Variants in CWC15 observed in about 807,000 individuals in gnomAD.
The protein encoded by CWC15 is spliceosome-associated protein CWC15 homolog.
In CWC15, 12 loss-of-function variants were observed where a neutral mutation model predicts 28.4. The ratio of observed to expected loss-of-function variants is 0.42; its 90% CI spans 0.27 to 0.69. The LOEUF (loss-of-function observed/expected upper bound fraction) is 0.69, where lower values mean the gene tolerates loss of function less well. Ranked by LOEUF, CWC15 falls within the 30% of genes least tolerant of loss-of-function variation. The probability of loss-of-function intolerance (pLI) is 0.23; values close to 1 mark genes in which losing one functional copy is unlikely to be tolerated. For synonymous variants in CWC15, 92 were observed against 88.4 expected (o/e 1.04, Z -0.23); for missense variants, 192 against 271.5 (o/e 0.71, Z 2.06).
At position 94,962,821 on chromosome 11, in the gene CWC15, C is replaced by CA. The variant is rs2134096543; in HGVS notation, c.*563dup. The CA allele has an allele frequency of 1.3e-5, 2 of 152,342 alleles. No individual in the cohort carries two copies. The highest frequency in any genetic ancestry group is 4.1e-4 in the South Asian group (2 of 4,832). The allele number at this position is 152,342 out of a possible 1,614,324, so 9.4% of individuals were successfully genotyped here. A position where few individuals can be genotyped will look rare whatever the true frequency, so the allele number is the denominator to read the frequency against. On this transcript the variant is annotated 3_prime_UTR_variant, in exon 7 of 7. Transcript: ENST00000279839. ...CATGAGAAAAAAAAACAAGTACCTG[C>CA]AGAAGTGAGCGATACCCAATGCTCT...
At chr11:94,964,117 A>G (rs1371342873) in intron 6 of CWC15, among the ~76,000 whole-genome samples, 8 of 152,186 alleles carry the variant, frequency 5.3e-5, no homozygotes, top group Non-Finnish European at 1.0e-4. Flanking sequence ...TCCATAATGT[A>G]TAAGCACGAA....
In CWC15 at chr11:94,972,192, T is replaced by C; in HGVS notation, c.-7A>G. ...GCCTGGCTGCTGTTGTCATCTTTTA[T>C]GCTTTGAAGAAAAATATAATCAAGT... On this transcript the variant is annotated splice_region_variant and 5_prime_UTR_variant, in exon 2 of 7. Transcript: ENST00000279839. 2 of 1,610,112 alleles carry C rather than the reference T, an allele frequency of 1.2e-6. No individual in the cohort carries two copies. Among genetic ancestry groups the C allele is most frequent in the South Asian group, 2.2e-5 (2 of 90,236 alleles).
intron 1 of CWC15, 33 bp downstream of exon 1, chr11:94,973,465 A>T (rs587763829): frequency 1.3e-5 from 2 of 152,722 alleles, no homozygotes; most frequent in African/African-American, 2.4e-5. Flanking sequence ...CATCGCGATA[A>T]GAAAGATAAT....
chr11:94,963,299 CA>C lies in CWC15; in HGVS notation c.*85del. 2 of 1,083,682 alleles carry C rather than the reference CA, an allele frequency of 1.8e-6. No individual in the cohort carries two copies. Among genetic ancestry groups the C allele is most frequent in the Non-Finnish European group, 2.5e-6 (2 of 806,126 alleles). 67.1% of individuals were successfully genotyped at this position (1,083,682 alleles called of 1,614,324 possible). On this transcript the variant is annotated 3_prime_UTR_variant, in exon 7 of 7. Transcript: ENST00000279839. ...TGGGGAAGCCCACACACAATTTAGACAGGGGAAAAGAAAAAAAAAACTCATA... is the reference window on the plus strand; with the variant it reads ...TGGGGAAGCCCACACACAATTTAGACGGGGAAAAGAAAAAAAAAACTCATA...
intron 6 of CWC15, 65 bp downstream of exon 6, chr11:94,966,224 TATACAC>T (rs1360736238): frequency 1.6e-4 from 114 of 734,046 alleles, no homozygotes; most frequent in African/African-American, 1.3e-3. Context: ...CACATACACA[TATACAC>T]ACACACACAC....
chr11:94,966,210 T>TACAC, intron 6 of CWC15, 85 bp downstream of exon 6: 1 of 820,976 alleles, frequency 1.2e-6, no homozygotes, highest in South Asian at 1.8e-5. Flanking sequence ...TGCCTGTGTG[T>TACAC]ATACACATAC....
Position 94,962,696 on chromosome 11 carries a change from T to A in CWC15, c.*689A>T, listed in dbSNP as rs1857585013. The A allele has an allele frequency of 6.6e-6, 1 of 152,224 alleles. No homozygotes were observed. Among genetic ancestry groups the A allele is most frequent in the South Asian group, 2.1e-4 (1 of 4,836 alleles). The allele number at this position is 152,224 out of a possible 1,614,324, so 9.4% of individuals were successfully genotyped here. On this transcript the variant is annotated 3_prime_UTR_variant, in exon 7 of 7. Transcript: ENST00000279839. ...TTGCACTAAATGCATGTCAGGTGCA[T>A]ATTCAATCTCTTTCAAAGGAAACAT... is the stretch of plus-strand genomic sequence containing the variant.
At position 94,963,233 on chromosome 11, in the gene CWC15, C is replaced by G; in HGVS notation, c.*152G>C. On this transcript the variant is annotated 3_prime_UTR_variant, in exon 7 of 7. Transcript: ENST00000279839. ...TTAAACCTATTCCCAAGTCCATTAT[C>G]AAGTAAGGTATCACTAAAGAAAAAG... The G allele has an allele frequency of 2.0e-6, 1 of 506,314 alleles. No homozygotes were observed. The highest frequency in any genetic ancestry group is 3.3e-6 in the Non-Finnish European group (1 of 305,572). The allele number at this position is 506,314 out of a possible 1,614,324, so 31.4% of individuals were successfully genotyped here. A position where few individuals can be genotyped will look rare whatever the true frequency, so the allele number is the denominator to read the frequency against.
At chr11:94,968,900 A>G (rs1555095756) in intron 5 of CWC15, among the ~76,000 whole-genome samples, 2 of 152,246 alleles carry the variant, frequency 1.3e-5, no homozygotes, top group African/African-American at 4.8e-5. Flanking sequence ...ACAGAAATCT[A>G]TGAAAAAGCT....
At chr11:94,965,309 A>G (rs767924016) in intron 6 of CWC15, among the ~76,000 whole-genome samples, 42 of 152,386 alleles carry the variant, frequency 2.8e-4, no homozygotes, top group Non-Finnish European at 4.7e-4. Context: ...TGCATATAAA[A>G]TAACAACCAA....
chr11:94,971,515 A>G (rs373919104), intron 2 of CWC15, 28 bp from the exon 3 acceptor site: 142 of 1,361,214 alleles, frequency 1.0e-4, no homozygotes, highest in Non-Finnish European at 1.4e-4. Flanking sequence ...CAGGGCAAAA[A>G]TGTTACTTAA....
Position 94,970,257 on chromosome 11 carries a change from G to A in CWC15, c.334-161C>T, listed in dbSNP as rs1857701203. ...AAGATACTCAAAAGTGCAAAAAAGT[G>A]TGCTAAATTCTCAGAAGAAAATAAT... On this transcript the variant is annotated intron_variant, in intron 4 of 6. Coordinates refer to ENST00000279839, the MANE Select transcript of CWC15 (RefSeq NM_016403.4). The A allele has an allele frequency of 9.7e-6, 4 of 414,400 alleles. No individual in the cohort carries two copies. The Admixed American group carries it at 1.7e-4, about 18-fold the overall frequency. 25.7% of individuals were successfully genotyped at this position (414,400 alleles called of 1,614,324 possible). A position where few individuals can be genotyped will look rare whatever the true frequency, so the allele number is the denominator to read the frequency against.
chr11:94,963,676 A>G (rs1417777980), intron 6 of CWC15, among the ~76,000 whole-genome samples, 162 bp from the exon 7 acceptor site: 1 of 152,248 alleles, frequency 6.6e-6, no homozygotes, highest in African/African-American at 2.4e-5. Context: ...TCCTTAATAT[A>G]TAATCTTGCT....
intron 5 of CWC15, among the ~76,000 whole-genome samples, chr11:94,967,277 C>T (rs138370580): frequency 0.017 from 2,621 of 152,204 alleles, 76 homozygotes; most frequent in African/African-American, 0.059. Flanking sequence ...CCGTTCACCT[C>T]GGCCTCCCAA....
chr11:94,971,525 A>AAC (rs3831469), intron 2 of CWC15, 38 bp from the exon 3 acceptor site: 301,746 of 775,456 alleles, frequency 0.39, 39,510 homozygotes, highest in Middle Eastern at 0.42. Context: ...ATGTTACTTA[A>AAC]ACACACACAC....
rs782314819 is a variant in CWC15 at position 94,972,033 on chromosome 11, TA to T, written c.131+21del. 3.1e-6 allele frequency: 5 copies of T among 1,601,972 alleles called. No homozygotes were observed. In the East Asian group the frequency reaches 1.1e-4, roughly 36 times the overall value. On this transcript the variant is annotated intron_variant, in intron 2 of 6. Transcript: ENST00000279839. ...AGATCTGGTCTTGTTTTGTGAACAA[TA>T]AAAAAAGAAAGTCTTACTACCTGTA...
chr11:94,968,567 TGG>T (rs1178059104), intron 5 of CWC15, among the ~76,000 whole-genome samples: 1 of 152,214 alleles, frequency 6.6e-6, no homozygotes, highest in Non-Finnish European at 1.5e-5. Context: ...TGCCCTCTAG[TGG>T]TATGCAAGTG....
chr11:94,972,457 G>T (rs1857736268), intron 1 of CWC15, among the ~76,000 whole-genome samples: 1 of 152,114 alleles, frequency 6.6e-6, no homozygotes, highest in Non-Finnish European at 1.5e-5. Context: ...GACTATATGG[G>T]CTTGAGCAAG....
chr11:94,970,849 A>G (rs782393411), intron 4 of CWC15, 128 bp downstream of exon 4: 41 of 782,772 alleles, frequency 5.2e-5, no homozygotes, highest in Non-Finnish European at 8.6e-5. Context: ...CACTGAGGTC[A>G]GGGCTATATT....
Sources: gnomAD v4.1 joint callset for allele counts (sites outside exome capture counted in the v4.1 genomes callset) on GRCh38, gnomAD v4.1.1 for gene constraint, MANE v1.5 for transcripts, NCBI Gene and HGNC (gene_info 2026-07-23, HGNC 2026-07-21) for gene names.